Variants in EHF observed in about 807,000 individuals in gnomAD.
EHF encodes the protein ESE3 transcription factor.
In EHF, 14 loss-of-function variants were observed where a neutral mutation model predicts 45.1. That is an observed-to-expected ratio of 0.31 (90% CI 0.21 to 0.49). EHF has a LOEUF of 0.49. Among genes scored for constraint, EHF ranks in the 20% least tolerant of loss-of-function variants. The pLI is 0.99. For synonymous variants in EHF, 136 were observed against 131.8 expected, an observed-to-expected ratio of 1.03 and a Z score of -0.22; for missense variants, 282 against 371.4, an observed-to-expected ratio of 0.76 and a Z score of 1.98.
chr11:34,660,298 G>A lies in EHF; in HGVS notation c.*1367G>A, dbSNP rs369636446. ...ATTATATTGTAGAAGGAAACACCAA[G>A]AAAAGAATTTCCAGGGAAAATCCTC... is the stretch of plus-strand genomic sequence containing the variant. On this transcript the variant is annotated 3_prime_UTR_variant, in exon 9 of 9. Coordinates refer to ENST00000257831, the MANE Select transcript of EHF (RefSeq NM_012153.6). The A allele has an allele frequency of 6.6e-6, 1 of 152,060 alleles. No individual in the cohort carries two copies. The highest frequency in any genetic ancestry group is 2.1e-4 in the South Asian group (1 of 4,824). The allele number at this position is 152,060 out of a possible 1,614,324, so 9.4% of individuals were successfully genotyped here.
intron 1 of EHF, among the ~76,000 whole-genome samples, chr11:34,634,727 T>C (rs1467181686): frequency 4.6e-5 from 7 of 152,218 alleles, no homozygotes; most frequent in South Asian, 4.1e-4. Context: ...ACATTATATA[T>C]GCACGTATGT....
chr11:34,630,879 C>A (rs1447570952), intron 1 of EHF, among the ~76,000 whole-genome samples: 1 of 152,050 alleles, frequency 6.6e-6, no homozygotes, highest in Non-Finnish European at 1.5e-5. Context: ...CTGCCATAAG[C>A]CCCCCTCCCC....
At chr11:34,637,937 T>TC (rs1853608039) in intron 1 of EHF, among the ~76,000 whole-genome samples, 2 of 151,638 alleles carry the variant, frequency 1.3e-5, no homozygotes, top group Non-Finnish European at 2.9e-5. Context: ...AGTCTCGCTC[T>TC]GTTGCCCAGG....
At chr11:34,644,689 CT>C (rs143235076) in intron 2 of EHF, among the ~76,000 whole-genome samples, 2,987 of 152,306 alleles carry the variant, frequency 0.02, 77 homozygotes, top group African/African-American at 0.067. Context: ...AAACATTTCC[CT>C]TTCAGTCTCT....
chr11:34,650,156 C>T (rs755750323), intron 4 of EHF, among the ~76,000 whole-genome samples: 2 of 152,124 alleles, frequency 1.3e-5, no homozygotes, highest in Non-Finnish European at 2.9e-5. Flanking sequence ...ATAGCCCCAC[C>T]GAAGGAGCCA....
At chr11:34,654,746 G>A (rs1855508230) in intron 6 of EHF, among the ~76,000 whole-genome samples, 1 of 151,578 alleles carries the variant, frequency 6.6e-6, no homozygotes, top group South Asian at 2.1e-4. Context: ...TGAGGAGAGG[G>A]TCCAAGGTTT....
chr11:34,629,620 G>A (rs1852686537), intron 1 of EHF, among the ~76,000 whole-genome samples: 1 of 152,210 alleles, frequency 6.6e-6, no homozygotes, highest in Non-Finnish European at 1.5e-5. Flanking sequence ...TTTATAGACT[G>A]TTCCAAAATT....
At chr11:34,635,228 G>A (rs1375690050) in intron 1 of EHF, among the ~76,000 whole-genome samples, 1 of 152,034 alleles carries the variant, frequency 6.6e-6, no homozygotes, top group Non-Finnish European at 1.5e-5. Flanking sequence ...CCCTCCAGCT[G>A]AGCAGGCCCA....
chr11:34,646,442 C>T lies in EHF; in HGVS notation c.101C>T (p.Ser34Phe), dbSNP rs1339017481. ...WTDSYSTCNVSSGFFGGQWHE... is the reference protein window; with the variant it reads ...WTDSYSTCNVFSGFFGGQWHE... The stretch of plus-strand genomic sequence containing the variant: ...GAGGCTGCTTCCTGTTTTGCAGTTT[C>T]CAGTGGGTTTTTTGGAGGCCAGTGG... The change falls in exon 3 of 9, where the codon TCC becomes TTC. Residue 34 changes from serine to phenylalanine, a missense_variant. Ser to Phe is a radical substitution (Grantham distance 155). This residue lies in a region of EHF where 213 missense variants were observed against 247.3 expected (regional missense o/e 0.86). Transcript: ENST00000257831. The T allele has an allele frequency of 1.9e-6, 3 of 1,614,018 alleles. No individual in the cohort carries two copies. In the East Asian group the frequency reaches 6.7e-5, roughly 36 times the overall value.
intron 1 of EHF, among the ~76,000 whole-genome samples, chr11:34,635,536 CT>C (rs1441849536): frequency 3.4e-5 from 5 of 145,228 alleles, no homozygotes; most frequent in Non-Finnish European, 7.5e-5. Flanking sequence ...ACTGCAACCT[CT>C]ACCTCCCGGG....
chr11:34,625,815 C>T (rs554613003), intron 1 of EHF, among the ~76,000 whole-genome samples: 5 of 152,282 alleles, frequency 3.3e-5, no homozygotes, highest in African/African-American at 1.2e-4. Context: ...TATCTCTCCT[C>T]CTCCAATCTC....
intron 1 of EHF, among the ~76,000 whole-genome samples, chr11:34,627,804 A>G (rs560554019): frequency 6.6e-6 from 1 of 152,326 alleles, no homozygotes; most frequent in Admixed American, 6.5e-5. Flanking sequence ...TTTTCTTTCA[A>G]TATGAATGTA....
chr11:34,647,276 G>T (rs1285863637), intron 3 of EHF, among the ~76,000 whole-genome samples: 1 of 152,174 alleles, frequency 6.6e-6, no homozygotes, highest in African/African-American at 2.4e-5. Flanking sequence ...GTCTAGACAC[G>T]TGTATGGGGA....
At chr11:34,634,878 G>A (rs892593150) in intron 1 of EHF, among the ~76,000 whole-genome samples, 2 of 152,132 alleles carry the variant, frequency 1.3e-5, no homozygotes, top group Non-Finnish European at 2.9e-5. Flanking sequence ...CTCTGGCAAA[G>A]CACCCTCTTC....
At chr11:34,625,437 G>A (rs930481884) in intron 1 of EHF, among the ~76,000 whole-genome samples, 2 of 152,206 alleles carry the variant, frequency 1.3e-5, no homozygotes, top group African/African-American at 2.4e-5. Context: ...GGTGTCTACT[G>A]AGTTTGTATG....
At chr11:34,632,081 T>C (rs1041943216) in intron 1 of EHF, among the ~76,000 whole-genome samples, 2 of 152,172 alleles carry the variant, frequency 1.3e-5, no homozygotes, top group Non-Finnish European at 2.9e-5. Flanking sequence ...GGAGTGAAAA[T>C]GTAGCATCCA....
chr11:34,640,283 T>C (rs1302278538), intron 1 of EHF, among the ~76,000 whole-genome samples: 1 of 152,136 alleles, frequency 6.6e-6, no homozygotes, highest in Non-Finnish European at 1.5e-5. Context: ...TCAGGAAGCA[T>C]AGCTGGCCCA....
chr11:34,640,702 G>A (rs1386299366), intron 1 of EHF, among the ~76,000 whole-genome samples: 1 of 152,204 alleles, frequency 6.6e-6, no homozygotes, highest in Non-Finnish European at 1.5e-5. Flanking sequence ...TTGACTTGAG[G>A]TTGTTTTCTT....
At chr11:34,623,234 C>T (rs571280782) in intron 1 of EHF, among the ~76,000 whole-genome samples, 5 of 152,086 alleles carry the variant, frequency 3.3e-5, no homozygotes, top group Admixed American at 2.0e-4. Context: ...TACATGTGCT[C>T]GCCACTATGC....
Sources: gnomAD v4.1 joint callset for allele counts (sites outside exome capture counted in the v4.1 genomes callset) on GRCh38, gnomAD v4.1.1 for gene constraint, gnomAD v4.1.1 regional missense constraint, MANE v1.5 for transcripts, NCBI Gene and HGNC (gene_info 2026-07-23, HGNC 2026-07-21) for gene names.